Variants in ALCAM observed in about 807,000 individuals in gnomAD.
The protein encoded by ALCAM is activated leukocyte cell adhesion molecule, also known as CD166 antigen.
Under a neutral mutation model 70.9 loss-of-function variants are expected in ALCAM, and 30 were observed. The observed-to-expected ratio is 0.42, with a 90% CI of 0.32 to 0.57. The LOEUF (loss-of-function observed/expected upper bound fraction) is 0.57. ALCAM is among the 20% of genes least tolerant of loss of function. ALCAM has a pLI of 0.11. For missense variants in ALCAM, 591 were observed against 695.1 expected, an observed-to-expected ratio of 0.85 and a Z score of 1.68; for synonymous variants, 249 against 242.5, an observed-to-expected ratio of 1.03 and a Z score of -0.25.
chr3:105,471,159 T>C (rs1576185043), intron 1 of ALCAM, among the ~76,000 whole-genome samples: 1 of 151,416 alleles, frequency 6.6e-6, no homozygotes, highest in South Asian at 2.1e-4. Flanking sequence ...TTAATTTGAA[T>C]GTCACTTGGA....
rs567187526 is a variant in ALCAM at position 105,460,064 on chromosome 3, G to T, written c.74-60003G>T. Among the ~76,000 whole-genome samples the T allele has an allele frequency of 3.9e-5, 6 of 152,154 alleles. No homozygotes were observed. In the East Asian group the frequency reaches 9.7e-4, roughly 25 times the overall value. On this transcript the variant is annotated intron_variant, in intron 1 of 15. Transcript: ENST00000306107. ...GGAAGCAGAATCAGAACTGTGTTTGGGGAAGGAAGCAGTCAAAGTGAGGCA... is the reference window on the plus strand; with the variant it reads ...GGAAGCAGAATCAGAACTGTGTTTGTGGAAGGAAGCAGTCAAAGTGAGGCA...
In ALCAM at chr3:105,496,484, C is replaced by T. The variant is rs535288261; in HGVS notation, c.74-23583C>T. Among the ~76,000 whole-genome samples, 129 of 152,092 alleles carry T rather than the reference C, an allele frequency of 8.5e-4. 2 individuals carry two copies. In the Middle Eastern group the frequency reaches 0.021, roughly 25 times the overall value. ...GGAAAGTTAATACTTTGAATGCTAA[C>T]ACTAAACAGGCTGTTACAAAAGCGT... is the stretch of plus-strand genomic sequence containing the variant. On this transcript the variant is annotated intron_variant, in intron 1 of 15. Transcript: ENST00000306107.
chr3:105,501,166 G>A (rs935234783), intron 1 of ALCAM, among the ~76,000 whole-genome samples: 1 of 152,126 alleles, frequency 6.6e-6, no homozygotes, highest in African/African-American at 2.4e-5. Flanking sequence ...GCACAAATGC[G>A]GGCTGTTATC....
chr3:105,440,329 A>G (rs865803056), intron 1 of ALCAM, among the ~76,000 whole-genome samples: 2 of 152,204 alleles, frequency 1.3e-5, no homozygotes, highest in Non-Finnish European at 1.5e-5. Context: ...TGGTTGCACA[A>G]TTCTAATGTC....
intron 1 of ALCAM, among the ~76,000 whole-genome samples, chr3:105,375,577 T>C (rs1935353570): frequency 6.6e-6 from 1 of 152,158 alleles, no homozygotes; most frequent in Non-Finnish European, 1.5e-5. Flanking sequence ...GAAACTAAAT[T>C]GACCTCAGAT....
At chr3:105,506,602 C>T (rs1048002009) in intron 1 of ALCAM, among the ~76,000 whole-genome samples, 1 of 151,910 alleles carries the variant, frequency 6.6e-6, no homozygotes, top group East Asian at 1.9e-4. Flanking sequence ...GAACAGTGAA[C>T]TTTTTTTTAA....
At chr3:105,438,994 T>G (rs1488799513) in intron 1 of ALCAM, among the ~76,000 whole-genome samples, 1 of 152,048 alleles carries the variant, frequency 6.6e-6, no homozygotes, top group Non-Finnish European at 1.5e-5. Flanking sequence ...GTATATGAAA[T>G]CAGGATGGTA....
chr3:105,475,385 A>G (rs988535765), intron 1 of ALCAM, among the ~76,000 whole-genome samples: 2 of 152,048 alleles, frequency 1.3e-5, no homozygotes, highest in African/African-American at 4.8e-5. Flanking sequence ...GAAATCACTC[A>G]GGTAAATCTA....
intron 15 of ALCAM, among the ~76,000 whole-genome samples, chr3:105,572,483 C>T (rs1326054129): frequency 6.6e-6 from 1 of 152,176 alleles, no homozygotes; most frequent in African/African-American, 2.4e-5. Flanking sequence ...CAGTCGATCA[C>T]TGATGGGCCT....
intron 1 of ALCAM, among the ~76,000 whole-genome samples, chr3:105,427,731 T>C (rs1004367927): frequency 6.6e-6 from 1 of 152,046 alleles, no homozygotes; most frequent in African/African-American, 2.4e-5. Flanking sequence ...GGAGGGTTCA[T>C]AGAGTTTCTC....
At chr3:105,475,345 A>C (rs979053598) in intron 1 of ALCAM, among the ~76,000 whole-genome samples, 1 of 152,004 alleles carries the variant, frequency 6.6e-6, no homozygotes, top group Non-Finnish European at 1.5e-5. Flanking sequence ...TTTAAATGAG[A>C]TTTAAAAAAT....
At chr3:105,566,151 C>T (rs541462378) in intron 14 of ALCAM, among the ~76,000 whole-genome samples, 1 of 152,156 alleles carries the variant, frequency 6.6e-6, no homozygotes, top group Non-Finnish European at 1.5e-5. Flanking sequence ...CCCAGTGAAG[C>T]AACTGGAACA....
At chr3:105,370,538 GT>G (rs1935198809) in intron 1 of ALCAM, among the ~76,000 whole-genome samples, 1 of 151,802 alleles carries the variant, frequency 6.6e-6, no homozygotes. Flanking sequence ...AAGTCTTAAG[GT>G]AAAAAACCAA....
intron 1 of ALCAM, among the ~76,000 whole-genome samples, chr3:105,493,974 T>C (rs571765224): frequency 6.6e-6 from 1 of 152,306 alleles, no homozygotes; most frequent in Admixed American, 6.5e-5. Context: ...CACTTGTAAA[T>C]AGTAAAGCCA....
At chr3:105,558,115 C>T (rs897651540) in intron 14 of ALCAM, among the ~76,000 whole-genome samples, 2 of 152,022 alleles carry the variant, frequency 1.3e-5, no homozygotes, top group African/African-American at 4.8e-5. Context: ...CCCTAACTAC[C>T]TGCACAGGTA....
chr3:105,573,502 A>G (rs1257237207), intron 15 of ALCAM, among the ~76,000 whole-genome samples: 4 of 152,208 alleles, frequency 2.6e-5, no homozygotes, highest in Non-Finnish European at 4.4e-5. Context: ...GTATGTGTAT[A>G]TATGTATCCA....
chr3:105,369,615 A>G (rs1426621781), intron 1 of ALCAM, among the ~76,000 whole-genome samples: 3 of 152,238 alleles, frequency 2.0e-5, no homozygotes, highest in Admixed American at 6.5e-5. Flanking sequence ...AGCCCTCTGC[A>G]TAGCAGAGCC....
chr3:105,461,661 G>A (rs1376235074), intron 1 of ALCAM, among the ~76,000 whole-genome samples: 2 of 151,716 alleles, frequency 1.3e-5, no homozygotes, highest in Non-Finnish European at 3.0e-5. Context: ...ATGATGCTTA[G>A]GGAAGACAGT....
intron 1 of ALCAM, among the ~76,000 whole-genome samples, chr3:105,416,822 G>T (rs942178764): frequency 1.3e-5 from 2 of 151,828 alleles, no homozygotes; most frequent in African/African-American, 4.8e-5. Flanking sequence ...ATAATTCCTT[G>T]AATTACTGCA....
Sources: allele counts gnomAD v4.1 joint callset (sites outside exome capture counted in the v4.1 genomes callset), GRCh38; gene constraint gnomAD v4.1.1; transcripts MANE v1.5; gene names NCBI Gene and HGNC (gene_info 2026-07-23, HGNC 2026-07-21).